The following ZFHX3 variants were observed in gnomAD, a reference collection of about 807,000 sequenced individuals.
ZFHX3 encodes the protein zinc finger homeobox protein 3.
In ZFHX3, 42 loss-of-function variants were observed where a neutral mutation model predicts 279.1. The observed-to-expected ratio is 0.15, with a 90% CI of 0.12 to 0.19. The LOEUF is 0.19. Ranked by LOEUF, ZFHX3 falls within the 10% of genes least tolerant of loss-of-function variation. ZFHX3 has a pLI of 1.00. For missense variants in ZFHX3, 4,981 were observed against 4,754.0 expected, an observed-to-expected ratio of 1.05 and a Z score of -1.40; for synonymous variants, 2,293 against 1,957.8, an observed-to-expected ratio of 1.17 and a Z score of -4.52.
intron 4 of ZFHX3, among the ~76,000 whole-genome samples, chr16:73,303,546 G>C (rs1465463699): frequency 6.6e-6 from 1 of 152,098 alleles, no homozygotes; most frequent in East Asian, 1.9e-4. Flanking sequence ...CCTCAATGAT[G>C]TCAGTCTCAA....
chr16:73,736,026 C>T (rs1260789894), intron 1 of ZFHX3, among the ~76,000 whole-genome samples: 1 of 151,990 alleles, frequency 6.6e-6, no homozygotes, highest in Non-Finnish European at 1.5e-5. Context: ...GGACTCACAG[C>T]TCTTCCTGCT....
chr16:73,391,948 C>T (rs915567389), intron 3 of ZFHX3, among the ~76,000 whole-genome samples: 3 of 152,046 alleles, frequency 2.0e-5, no homozygotes, highest in African/African-American at 7.2e-5. Context: ...GAAGAGTAAA[C>T]AGAATATACT....
At chr16:73,589,258 T>C (rs1224135130) in intron 2 of ZFHX3, among the ~76,000 whole-genome samples, 2 of 40,116 alleles carry the variant, frequency 5.0e-5, no homozygotes, top group Non-Finnish European at 8.8e-5. Context: ...AGATTCTGTC[T>C]CAAAAAAAAA....
chr16:73,707,649 G>C (rs2053318026), intron 1 of ZFHX3, among the ~76,000 whole-genome samples: 1 of 151,250 alleles, frequency 6.6e-6, no homozygotes, highest in African/African-American at 2.4e-5. Context: ...TAAATGACAA[G>C]TTAATGGGTG....
chr16:73,354,030 A>G (rs1488448198), intron 3 of ZFHX3, among the ~76,000 whole-genome samples: 4 of 152,186 alleles, frequency 2.6e-5, no homozygotes, highest in East Asian at 1.9e-4. Flanking sequence ...CAGAGAGGTT[A>G]TAACTTAGTC....
At chr16:73,028,316 GAA>G (rs1025318318) in intron 1 of ZFHX3, among the ~76,000 whole-genome samples, 10 of 152,254 alleles carry the variant, frequency 6.6e-5, no homozygotes, top group African/African-American at 2.4e-4. Flanking sequence ...CCGGGAGGTG[GAA>G]AACACCATCC....
At position 73,633,161 on chromosome 16, in the gene ZFHX3, C is replaced by T. The variant is rs544264405; in HGVS notation, c.-1547+47019G>A. 8.8e-4 allele frequency among the ~76,000 whole-genome samples: 134 copies of T among 152,274 alleles called. 1 individual carries two copies. Among genetic ancestry groups the T allele is most frequent in the Middle Eastern group, 3.4e-3 (1 of 294 alleles). ...CAAACATCATCTTAAAATTAAAAGA[C>T]AACAAAGAAAAGTGTTTTCCACCTA... On this transcript the variant is annotated intron_variant, in intron 2 of 17. Transcript: ENST00000641206.
In ZFHX3 at chr16:72,882,978, GTGTGTGTGTGT is replaced by G. The variant is rs2038524187; in HGVS notation, c.3448+6742_3448+6752del. ...TTTTTGGCCTTCACACCACTCTGGG[GTGTGTGTGTGT>G]GTGTGTGTGTGTGTGTGTGTGTGTG... On this transcript the variant is annotated intron_variant, in intron 4 of 9. Coordinates refer to ENST00000268489, the MANE Select transcript of ZFHX3 (RefSeq NM_006885.4). Among the ~76,000 whole-genome samples, 7 of 29,168 alleles carry G rather than the reference GTGTGTGTGTGT, an allele frequency of 2.4e-4. No homozygotes were observed. The Admixed American group carries it at 3.2e-3, about 13-fold the overall frequency. 19.1% of individuals were successfully genotyped at this position (29,168 alleles called of 152,430 possible).
At chr16:73,446,122 G>A (rs1038696843) in intron 3 of ZFHX3, among the ~76,000 whole-genome samples, 1 of 152,110 alleles carries the variant, frequency 6.6e-6, no homozygotes, top group Non-Finnish European at 1.5e-5. Flanking sequence ...ACAAAGTTAT[G>A]GTCTATTAAG....
intron 2 of ZFHX3, among the ~76,000 whole-genome samples, chr16:73,601,384 C>T (rs2143862208): frequency 1.3e-5 from 2 of 150,348 alleles, no homozygotes; most frequent in East Asian, 2.0e-4. Context: ...GCAGGAGAAT[C>T]GCTTGAACCT....
chr16:72,812,973 T>C (rs1351292520), intron 5 of ZFHX3, among the ~76,000 whole-genome samples: 4 of 152,186 alleles, frequency 2.6e-5, no homozygotes, highest in Admixed American at 6.5e-5. Context: ...AAACCTGCTA[T>C]CTGCTCCTCC....
chr16:73,706,026 C>T (rs1173396347), intron 1 of ZFHX3, among the ~76,000 whole-genome samples: 2 of 152,074 alleles, frequency 1.3e-5, no homozygotes, highest in Non-Finnish European at 2.9e-5. Flanking sequence ...TGGAGTTGGC[C>T]GGACACAGTG....
chr16:73,303,334 T>C (rs920608973), intron 4 of ZFHX3, among the ~76,000 whole-genome samples: 3 of 152,088 alleles, frequency 2.0e-5, no homozygotes, highest in Non-Finnish European at 2.9e-5. Context: ...GGCCGAGCAA[T>C]GGAAAAATGT....
At chr16:72,859,168 T>G (rs1047031630) in intron 4 of ZFHX3, among the ~76,000 whole-genome samples, 1 of 152,190 alleles carries the variant, frequency 6.6e-6, no homozygotes, top group Non-Finnish European at 1.5e-5. Flanking sequence ...TTTTTCTTTT[T>G]TTAAAGCAAT....
intron 7 of ZFHX3, among the ~76,000 whole-genome samples, chr16:72,800,359 ATCT>A (rs577820364): frequency 1.1e-4 from 16 of 152,312 alleles, no homozygotes; most frequent in South Asian, 8.3e-4. Flanking sequence ...TTGAAGAATA[ATCT>A]TCTTATTAAT....
At chr16:73,310,658 A>G (rs1238887005) in intron 4 of ZFHX3, among the ~76,000 whole-genome samples, 1 of 152,230 alleles carries the variant, frequency 6.6e-6, no homozygotes, top group African/African-American at 2.4e-5. Flanking sequence ...CCAAAATGTC[A>G]ATAGTACTGA....
chr16:73,533,902 A>G (rs988020833), intron 2 of ZFHX3, among the ~76,000 whole-genome samples: 1 of 152,140 alleles, frequency 6.6e-6, no homozygotes, highest in African/African-American at 2.4e-5. Context: ...CACCCTAGTC[A>G]GTGCTAACAG....
rs561079086 is a variant in ZFHX3 at position 73,482,730 on chromosome 16, G to A, written c.-1546-26472C>T. On this transcript the variant is annotated intron_variant, in intron 2 of 17. Coordinates refer to the ZFHX3 transcript ENST00000641206. ...GGTGATTAAAAGAGAGAGAGGTATCGCCTTCCACTGTATAGAATATTGATC... is the reference window on the plus strand; with the variant it reads ...GGTGATTAAAAGAGAGAGAGGTATCACCTTCCACTGTATAGAATATTGATC... Among the ~76,000 whole-genome samples the A allele has an allele frequency of 5.3e-5, 8 of 152,252 alleles. No individual in the cohort carries two copies. The South Asian group carries it at 8.3e-4, about 16-fold the overall frequency.
intron 3 of ZFHX3, among the ~76,000 whole-genome samples, chr16:73,321,385 C>T (rs1305635921): frequency 6.6e-6 from 1 of 152,144 alleles, no homozygotes; most frequent in East Asian, 1.9e-4. Context: ...CACAGCAGTA[C>T]CTGACCTCCT....
Sources: allele counts gnomAD v4.1 joint callset (sites outside exome capture counted in the v4.1 genomes callset), GRCh38; gene constraint gnomAD v4.1.1; transcripts MANE v1.5; gene names NCBI Gene and HGNC (gene_info 2026-07-23, HGNC 2026-07-21).